The following ADGRL3 variants were observed in gnomAD, a reference collection of about 807,000 sequenced individuals.
ADGRL3 encodes adhesion G protein-coupled receptor L3, also known as calcium-independent alpha-latrotoxin receptor 3.
Under a neutral mutation model 153.5 loss-of-function variants are expected in ADGRL3, and 62 were observed. The ratio of observed to expected loss-of-function variants is 0.40; its 90% CI spans 0.33 to 0.50. ADGRL3 has a LOEUF of 0.50. ADGRL3 is among the 20% of genes least tolerant of loss of function. The pLI, the probability that ADGRL3 is intolerant of heterozygous loss-of-function variation, is 0.47. For missense variants in ADGRL3, 1,641 were observed against 1,859.4 expected (o/e 0.88, Z 2.16); for synonymous variants, 710 against 672.5 (o/e 1.06, Z -0.86).
intron 9 of ADGRL3, among the ~76,000 whole-genome samples, chr4:61,889,799 G>A (rs2098559341): frequency 6.6e-6 from 1 of 152,192 alleles, no homozygotes; most frequent in Non-Finnish European, 1.5e-5. Flanking sequence ...GATTTGTGCA[G>A]TTGAGACAAT....
At chr4:61,462,653 A>G (rs1189561235) in intron 2 of ADGRL3, among the ~76,000 whole-genome samples, 1 of 152,208 alleles carries the variant, frequency 6.6e-6, no homozygotes, top group Non-Finnish European at 1.5e-5. Flanking sequence ...AATAGAGCTG[A>G]GTATTTTAGG....
At chr4:61,297,007 A>C (rs750605518) in intron 1 of ADGRL3, among the ~76,000 whole-genome samples, 15 of 152,290 alleles carry the variant, frequency 9.8e-5, no homozygotes, top group Non-Finnish European at 1.8e-4. Context: ...AGCAGTTGAC[A>C]CTTCCCCTAC....
At chr4:61,896,576 C>T (rs1473319988) in intron 11 of ADGRL3, among the ~76,000 whole-genome samples, 2 of 152,210 alleles carry the variant, frequency 1.3e-5, no homozygotes, top group African/African-American at 4.8e-5. Context: ...TTGCTCTTTT[C>T]TCTATTTGTT....
At chr4:61,595,776 A>T (rs1347791133) in intron 5 of ADGRL3, among the ~76,000 whole-genome samples, 3 of 151,914 alleles carry the variant, frequency 2.0e-5, no homozygotes, top group African/African-American at 4.8e-5. Context: ...TTTACCTAGG[A>T]CCCCAGAGCA....
At position 61,537,929 on chromosome 4, in the gene ADGRL3, C is replaced by T. The variant is rs187645561; in HGVS notation, c.259+20411C>T. On this transcript the variant is annotated intron_variant, in intron 4 of 26. Coordinates refer to ENST00000683033, the MANE Select transcript of ADGRL3 (RefSeq NM_001387552.1). ...CCTTCCCATCGATCTCATCAAGCTT[C>T]CTTGCAATTCATTTTTTTAAATTCT... 3.5e-4 allele frequency among the ~76,000 whole-genome samples: 54 copies of T among 152,192 alleles called. 1 individual carries two copies. The highest frequency in any genetic ancestry group is 1.5e-5 in the Non-Finnish European group (1 of 68,006).
chr4:61,970,678 T>G (rs2099023776), intron 17 of ADGRL3, among the ~76,000 whole-genome samples: 1 of 152,202 alleles, frequency 6.6e-6, no homozygotes, highest in South Asian at 2.1e-4. Context: ...ATATTTAGAT[T>G]GGTTTTTCAA....
intron 4 of ADGRL3, among the ~76,000 whole-genome samples, chr4:61,551,568 A>G (rs189039996): frequency 7.2e-5 from 11 of 152,262 alleles, no homozygotes; most frequent in Admixed American, 7.2e-4. Context: ...ATTTATATAA[A>G]ACTCATGAGA....
intron 2 of ADGRL3, among the ~76,000 whole-genome samples, chr4:61,481,130 A>G (rs1251077550): frequency 1.3e-5 from 2 of 152,216 alleles, no homozygotes; most frequent in Non-Finnish European, 2.9e-5. Flanking sequence ...GCAATGACCT[A>G]ATTAATACAA....
chr4:61,785,234 T>A (rs2097263448), intron 8 of ADGRL3, among the ~76,000 whole-genome samples: 1 of 152,174 alleles, frequency 6.6e-6, no homozygotes, highest in Non-Finnish European at 1.5e-5. Context: ...AAAAGGAGCA[T>A]GATCAAGTAG....
intron 21 of ADGRL3, among the ~76,000 whole-genome samples, chr4:62,022,500 A>T (rs897565526): frequency 1.3e-5 from 2 of 152,182 alleles, no homozygotes; most frequent in Non-Finnish European, 2.9e-5. Context: ...ACAGCCTTCT[A>T]TTGGAACAAG....
At chr4:61,645,655 A>T (rs878952226) in intron 5 of ADGRL3, among the ~76,000 whole-genome samples, 1 of 152,264 alleles carries the variant, frequency 6.6e-6, no homozygotes, top group Non-Finnish European at 1.5e-5. Context: ...CGAGAGATCC[A>T]CTGTTAGTCT....
At chr4:61,713,151 T>C (rs1390837249) in intron 6 of ADGRL3, among the ~76,000 whole-genome samples, 1 of 152,158 alleles carries the variant, frequency 6.6e-6, no homozygotes, top group Non-Finnish European at 1.5e-5. Flanking sequence ...GAGCCCTTTT[T>C]AACAGTAATA....
chr4:61,377,119 T>C (rs2096612652), intron 1 of ADGRL3, among the ~76,000 whole-genome samples: 1 of 152,068 alleles, frequency 6.6e-6, no homozygotes, highest in Non-Finnish European at 1.5e-5. Context: ...TCCCTTCTTT[T>C]GCCTTTACCT....
In ADGRL3 at chr4:61,408,693, T is replaced by C. The variant is rs552925979; in HGVS notation, c.-174+25504T>C. 8.0e-4 allele frequency among the ~76,000 whole-genome samples: 122 copies of C among 152,098 alleles called. 1 individual carries two copies. Among genetic ancestry groups the C allele is most frequent in the Admixed American group, 2.5e-3 (38 of 15,234 alleles). ...ATACAGAGTACAAAAGAATCAGTAA[T>C]GATACATTTTAAAGCTCTTAAAATT... On this transcript the variant is annotated intron_variant, in intron 2 of 26. Transcript: ENST00000683033.
intron 3 of ADGRL3, among the ~76,000 whole-genome samples, chr4:61,505,006 C>A (rs1218617858): frequency 6.6e-6 from 1 of 152,056 alleles, no homozygotes; most frequent in Non-Finnish European, 1.5e-5. Flanking sequence ...TACAGTAGTT[C>A]TTTTAGTCTT....
intron 18 of ADGRL3, among the ~76,000 whole-genome samples, chr4:61,981,617 T>C (rs190780343): frequency 6.6e-6 from 1 of 152,280 alleles, no homozygotes; most frequent in East Asian, 1.9e-4. Flanking sequence ...TATCTTCATA[T>C]ATTACACAAA....
chr4:61,473,993 C>T (rs975884078), intron 2 of ADGRL3, among the ~76,000 whole-genome samples: 3 of 151,774 alleles, frequency 2.0e-5, no homozygotes, highest in African/African-American at 4.8e-5. Flanking sequence ...TGTCAATAGG[C>T]ATTTTGAGGG....
intron 1 of ADGRL3, among the ~76,000 whole-genome samples, chr4:61,369,535 T>C (rs2096478937): frequency 6.6e-6 from 1 of 152,162 alleles, no homozygotes; most frequent in Non-Finnish European, 1.5e-5. Context: ...ATTACATTTA[T>C]TGATTTGCGT....
At chr4:61,775,902 TA>T (rs1445429839) in intron 8 of ADGRL3, 68 of 251,864 alleles carry the variant, frequency 2.7e-4, no homozygotes, top group East Asian at 2.0e-3. Context: ...TTTATTTATT[TA>T]TTTATTTATT....
Sources: gnomAD v4.1 joint callset for allele counts (sites outside exome capture counted in the v4.1 genomes callset) on GRCh38, gnomAD v4.1.1 for gene constraint, MANE v1.5 for transcripts, NCBI Gene and HGNC (gene_info 2026-07-23, HGNC 2026-07-21) for gene names.